The following HYDIN variants were observed in gnomAD, a reference collection of about 807,000 sequenced individuals.
HYDIN encodes the protein axonemal central pair apparatus protein HYDIN.
A neutral mutation model predicts 403.9 loss-of-function variants in HYDIN; 132 were observed. The observed-to-expected ratio is 0.33, with a 90% confidence interval of 0.28 to 0.38. The LOEUF (loss-of-function observed/expected upper bound fraction) is 0.38. Among genes scored for constraint, HYDIN ranks in the 10% least tolerant of loss-of-function variants. The pLI is 1.00. For missense variants in HYDIN, 2,827 were observed against 5,009.5 expected (o/e 0.56, Z 13.15); for synonymous variants, 1,202 against 1,891.7 (o/e 0.64, Z 9.46).
In HYDIN at chr16:70,920,906, C is replaced by T. The variant is rs1798530; in HGVS notation, c.7470G>A (p.Ala2490=). The T allele has an allele frequency of 2.3e-5, 37 of 1,613,474 alleles. No homozygotes were observed. The highest frequency in any genetic ancestry group is 1.1e-4 in the South Asian group (10 of 91,016). Residue 2490 remains alanine, a synonymous_variant, in exon 46 of 86, where the codon GCG becomes GCA. Transcript: ENST00000393567. The part of the protein sequence containing the change: ...VQLPPAGMEE[A]PHEPDDQRQV... The stretch of plus-strand genomic sequence containing the variant: ...GGCGCTGGTCGTCGGGCTCATGGGG[C>T]GCTTCCTCCATCCCTGCAGGAGGCA...
chr16:71,173,963 C>T (rs1413574759), intron 5 of HYDIN, among the ~76,000 whole-genome samples: 1 of 152,146 alleles, frequency 6.6e-6, no homozygotes. Context: ...TAATCAGCTT[C>T]CTACAAAAAT....
chr16:70,990,029 T>C (rs2079295762), intron 25 of HYDIN, among the ~76,000 whole-genome samples: 2 of 152,182 alleles, frequency 1.3e-5, no homozygotes, highest in South Asian at 4.1e-4. Flanking sequence ...GACGTGTCCC[T>C]GCATTGGTAA....
chr16:70,888,366 C>T (rs1159062360), intron 58 of HYDIN, among the ~76,000 whole-genome samples: 3 of 152,126 alleles, frequency 2.0e-5, no homozygotes, highest in African/African-American at 7.2e-5. Flanking sequence ...TGGCACTGCC[C>T]TGGCAGGGGA....
intron 55 of HYDIN, 145 bp from the exon 56 acceptor site, chr16:70,892,674 C>T (rs1597241700): frequency 1.5e-6 from 1 of 671,362 alleles, no homozygotes; most frequent in Non-Finnish European, 2.4e-6. Flanking sequence ...GTGCTTTGTA[C>T]ATCGTGATCG....
At chr16:71,135,607 T>C (rs1192687389) in intron 8 of HYDIN, among the ~76,000 whole-genome samples, 3 of 151,306 alleles carry the variant, frequency 2.0e-5, no homozygotes, top group Non-Finnish European at 4.4e-5. Flanking sequence ...TTACTTTCTT[T>C]ACTTGGATCT....
chr16:70,950,713 C>T (rs1439260582), intron 41 of HYDIN, among the ~76,000 whole-genome samples: 5 of 152,066 alleles, frequency 3.3e-5, no homozygotes, highest in Admixed American at 2.6e-4. Context: ...TCCACCTCCC[C>T]CACTGTCCCT....
At chr16:71,051,645 C>CAAAA (rs56676777) in intron 18 of HYDIN, among the ~76,000 whole-genome samples, 11,484 of 114,700 alleles carry the variant, frequency 0.1, no homozygotes, top group East Asian at 0.12. Flanking sequence ...GACTCTGTCT[C>CAAAA]AAAAAAAAAA....
chr16:70,842,322 C>T (rs2037883923), intron 75 of HYDIN, among the ~76,000 whole-genome samples: 1 of 152,088 alleles, frequency 6.6e-6, no homozygotes, highest in South Asian at 2.1e-4. Flanking sequence ...TTGTTTATTT[C>T]TTCCTTCAAT....
At chr16:71,008,945 A>G (rs2079982537) in intron 23 of HYDIN, among the ~76,000 whole-genome samples, 1 of 103,810 alleles carries the variant, frequency 9.6e-6, no homozygotes, top group Non-Finnish European at 1.9e-5. Context: ...ATCAGTCATG[A>G]AGGTGGAATC....
chr16:71,077,632 T>C (rs1186513378), intron 13 of HYDIN, among the ~76,000 whole-genome samples: 1 of 152,000 alleles, frequency 6.6e-6, no homozygotes, highest in Non-Finnish European at 1.5e-5. Context: ...TCCAGGACAA[T>C]GTTATATGAT....
At chr16:70,982,664 G>A (rs1026023189) in intron 28 of HYDIN, among the ~76,000 whole-genome samples, 2 of 148,038 alleles carry the variant, frequency 1.4e-5, no homozygotes, top group Non-Finnish European at 3.0e-5. Context: ...TATATTTTAC[G>A]ATTAATTCAA....
intron 10 of HYDIN, among the ~76,000 whole-genome samples, chr16:71,111,241 T>C (rs2083821369): frequency 7.0e-6 from 1 of 143,288 alleles, no homozygotes; most frequent in Non-Finnish European, 1.5e-5. Flanking sequence ...ATTGCAGAAA[T>C]GAAAGATCGC....
At chr16:71,013,190 AG>A (rs1267029379) in intron 23 of HYDIN, among the ~76,000 whole-genome samples, 1 of 150,542 alleles carries the variant, frequency 6.6e-6, no homozygotes, top group Non-Finnish European at 1.5e-5. Flanking sequence ...TGTCCATGAC[AG>A]GGGATCTGGC....
At chr16:71,123,847 G>T (rs1467524842) in intron 9 of HYDIN, among the ~76,000 whole-genome samples, 1 of 152,044 alleles carries the variant, frequency 6.6e-6, no homozygotes, top group African/African-American at 2.4e-5. Flanking sequence ...ATTCTTTCTT[G>T]TCTGCCACCA....
chr16:70,978,971 T>G lies in HYDIN; in HGVS notation c.4581A>C (p.Glu1527Asp). ...TTATTATGTCAAAGTGATCGAGCAT[T>G]TCACATTTGTTATACTCTTTGTCTG... is the stretch of plus-strand genomic sequence containing the variant. ...KNTDKEYNKCEMLDHFDIITE... is the reference protein window; with the variant it reads ...KNTDKEYNKCDMLDHFDIITE... The change falls in exon 30 of 86, where the codon GAA (glutamate) becomes GAC (aspartate). Residue 1527 changes from glutamate (E) to aspartate (D), a missense_variant. Transcript: ENST00000393567. 6.2e-7 allele frequency: 1 copy of G among 1,614,078 alleles called. No homozygotes were observed. Among genetic ancestry groups the G allele is most frequent in the Non-Finnish European group, 8.5e-7 (1 of 1,180,036 alleles).
At chr16:70,815,378 G>A (rs1450990507) in intron 84 of HYDIN, among the ~76,000 whole-genome samples, 1 of 148,900 alleles carries the variant, frequency 6.7e-6, no homozygotes, top group Non-Finnish European at 1.5e-5. Context: ...CTGCACTCCA[G>A]CCTGGGTGTC....
chr16:70,993,886 T>C (rs925024863), intron 23 of HYDIN, among the ~76,000 whole-genome samples: 5 of 152,072 alleles, frequency 3.3e-5, no homozygotes, highest in African/African-American at 1.2e-4. Flanking sequence ...TACGGTGATA[T>C]CACATTGTGG....
intron 84 of HYDIN, among the ~76,000 whole-genome samples, chr16:70,814,869 A>G: frequency 6.6e-6 from 1 of 151,920 alleles, no homozygotes; most frequent in African/African-American, 2.4e-5. Flanking sequence ...ACCTAACATA[A>G]GCAATGGAAA....
At chr16:70,936,151 GC>G in intron 44 of HYDIN, 37 bp from the exon 45 acceptor site, 10 of 1,137,536 alleles carry the variant, frequency 8.8e-6, no homozygotes, top group Non-Finnish European at 1.2e-5. Flanking sequence ...CAGTTCAGGG[GC>G]CCCCATGCCT....
Sources: allele counts gnomAD v4.1 joint callset (sites outside exome capture counted in the v4.1 genomes callset), GRCh38; gene constraint gnomAD v4.1.1; transcripts MANE v1.5; gene names NCBI Gene and HGNC (gene_info 2026-07-23, HGNC 2026-07-21).